The following EPM2A variants were observed in gnomAD, a reference collection of about 807,000 sequenced individuals.
The protein encoded by EPM2A is EPM2A glucan phosphatase, laforin, also known as laforin.
A neutral mutation model predicts 26.5 loss-of-function variants in EPM2A; 21 were observed. The observed-to-expected ratio is 0.79, with a 90% confidence interval of 0.56 to 1.14. The LOEUF is 1.14. Among genes scored for constraint, EPM2A ranks in the 50% most tolerant of loss-of-function variants. The pLI, the probability that EPM2A is intolerant of heterozygous loss-of-function variation, is 0.00. For synonymous variants in EPM2A, 217 were observed against 177.6 expected, an observed-to-expected ratio of 1.22 and a Z score of -1.76; for missense variants, 458 against 440.8, an observed-to-expected ratio of 1.04 and a Z score of -0.35.
At chr6:145,490,754 G>A (rs1046449030) in intron 4 of EPM2A, 8 of 560,460 alleles carry the variant, frequency 1.4e-5, no homozygotes, top group Middle Eastern at 2.9e-4. Flanking sequence ...ACATGTGAAG[G>A]TTGTCACATG....
chr6:145,653,827 C>T (rs947493164), intron 2 of EPM2A, among the ~76,000 whole-genome samples: 1 of 152,144 alleles, frequency 6.6e-6, no homozygotes, highest in Non-Finnish European at 1.5e-5. Context: ...TCAAAGTCTA[C>T]TTATTTATAT....
chr6:145,472,711 T>C (rs1779491901), intron 4 of EPM2A, among the ~76,000 whole-genome samples: 1 of 152,072 alleles, frequency 6.6e-6, no homozygotes, highest in Non-Finnish European at 1.5e-5. Context: ...TGACAAGAAC[T>C]GTATCTTGTG....
chr6:145,541,114 T>A (rs552914107), intron 2 of EPM2A, among the ~76,000 whole-genome samples: 3 of 151,996 alleles, frequency 2.0e-5, no homozygotes, highest in Non-Finnish European at 2.9e-5. Flanking sequence ...GAAAAAAGCA[T>A]GTATGAAAAC....
At chr6:145,735,015 C>T in intron 1 of EPM2A, 183 bp downstream of exon 1, 2 of 371,350 alleles carry the variant, frequency 5.4e-6, no homozygotes, top group South Asian at 8.5e-5. Flanking sequence ...CGGCTGGCGG[C>T]GACAGCGTGG....
Position 145,607,418 on chromosome 6 carries a change from C to A in EPM2A, c.340+27827G>T, listed in dbSNP as rs531010461. Among the ~76,000 whole-genome samples, 5 of 152,236 alleles carry A rather than the reference C, an allele frequency of 3.3e-5. No individual in the cohort carries two copies. In the South Asian group the frequency reaches 1.0e-3, roughly 32 times the overall value. ...CTGCTGTACAGTATGTGACTCTTTGCATTCTGGAGAACATAATCAGCAACA... is the reference window on the plus strand; with the variant it reads ...CTGCTGTACAGTATGTGACTCTTTGAATTCTGGAGAACATAATCAGCAACA... On this transcript the variant is annotated intron_variant, in intron 2 of 3. Transcript: ENST00000450221.
At chr6:145,726,606 T>C (rs1220471983) in intron 1 of EPM2A, among the ~76,000 whole-genome samples, 1 of 152,130 alleles carries the variant, frequency 6.6e-6, no homozygotes, top group Non-Finnish European at 1.5e-5. Flanking sequence ...TGATATGATG[T>C]AATAAGGAAG....
intron 4 of EPM2A, among the ~76,000 whole-genome samples, chr6:145,444,814 G>A (rs1203709137): frequency 6.6e-6 from 1 of 152,188 alleles, no homozygotes; most frequent in Non-Finnish European, 1.5e-5. Flanking sequence ...CTGGAAATAA[G>A]ATACTCTCTT....
At chr6:145,684,290 A>G (rs538995080) in intron 2 of EPM2A, among the ~76,000 whole-genome samples, 98 of 152,302 alleles carry the variant, frequency 6.4e-4, no homozygotes, top group African/African-American at 2.2e-3. Context: ...CTCTAATGAC[A>G]AAGAGCAAAG....
chr6:145,460,950 A>G (rs983627980), intron 4 of EPM2A, among the ~76,000 whole-genome samples: 1 of 152,178 alleles, frequency 6.6e-6, no homozygotes, highest in African/African-American at 2.4e-5. Context: ...ATCGACATGA[A>G]GTATTAATGG....
downstream of EPM2A, among the ~76,000 whole-genome samples, chr6:145,501,265 C>G (rs1278408881): frequency 6.6e-6 from 1 of 152,160 alleles, no homozygotes; most frequent in Non-Finnish European, 1.5e-5. Context: ...ACAGTAAAAA[C>G]TTTGGAATTT....
chr6:145,416,103 T>G (rs1778704312), intron 4 of EPM2A, among the ~76,000 whole-genome samples: 1 of 152,062 alleles, frequency 6.6e-6, no homozygotes, highest in Non-Finnish European at 1.5e-5. Context: ...GGGATGGAGG[T>G]CATGGGTACA....
At chr6:145,417,051 C>G (rs1310266534) in intron 4 of EPM2A, among the ~76,000 whole-genome samples, 1 of 152,056 alleles carries the variant, frequency 6.6e-6, no homozygotes, top group Non-Finnish European at 1.5e-5. Flanking sequence ...CTAAGCAGAC[C>G]CAGCCTTGGC....
At chr6:145,462,465 G>A (rs1025448696) in intron 4 of EPM2A, among the ~76,000 whole-genome samples, 3 of 152,102 alleles carry the variant, frequency 2.0e-5, no homozygotes, top group Admixed American at 6.6e-5. Flanking sequence ...ATTCTCAAAA[G>A]ATTAGGTATT....
intron 2 of EPM2A, among the ~76,000 whole-genome samples, chr6:145,509,240 G>T (rs1315531772): frequency 1.3e-5 from 2 of 152,076 alleles, no homozygotes; most frequent in Admixed American, 6.5e-5. Context: ...ATCCAGAGAA[G>T]TCCTGAGAGT....
At chr6:145,385,853 T>C (rs1226359616) in intron 4 of EPM2A, among the ~76,000 whole-genome samples, 3 of 152,130 alleles carry the variant, frequency 2.0e-5, no homozygotes, top group Non-Finnish European at 4.4e-5. Context: ...GCAATGTTTG[T>C]TATCTATCAA....
At position 145,681,990 on chromosome 6, in the gene EPM2A, T is replaced by C. The variant is rs77564659; in HGVS notation, c.476+4132A>G. Among the ~76,000 whole-genome samples, 481 of 152,260 alleles carry C rather than the reference T, an allele frequency of 3.2e-3. 15 individuals carry two copies. In the South Asian group the frequency reaches 0.058, roughly 18 times the overall value. ...AGAAAATTAGGTGGCTACCCTAATA[T>C]TGCTCTCTCACACCTCTCTATATGT... On this transcript the variant is annotated intron_variant, in intron 2 of 3. Transcript: ENST00000367519.
chr6:145,625,542 G>C lies in EPM2A; in HGVS notation c.*1874C>G. On this transcript the variant is annotated 3_prime_UTR_variant, in exon 4 of 4. Transcript: ENST00000367519. ...TTAAAGAAATTCACAGACCCACATA[G>C]TTTAAAAATTTAATTTTTAAGATTA... 1 of 618,000 alleles carries C rather than the reference G, an allele frequency of 1.6e-6. No homozygotes were observed. The highest frequency in any genetic ancestry group is 2.9e-6 in the Non-Finnish European group (1 of 342,638). The allele number at this position is 618,000 out of a possible 1,614,324, so 38.3% of individuals were successfully genotyped here.
chr6:145,512,353 A>G (rs1780065842), intron 2 of EPM2A, among the ~76,000 whole-genome samples: 1 of 152,192 alleles, frequency 6.6e-6, no homozygotes, highest in Non-Finnish European at 1.5e-5. Context: ...AAATTATACT[A>G]CAAGGCTACA....
chr6:145,698,850 G>C (rs1281980233), intron 1 of EPM2A, among the ~76,000 whole-genome samples: 2 of 152,054 alleles, frequency 1.3e-5, no homozygotes, highest in Non-Finnish European at 1.5e-5. Flanking sequence ...AAAAACACCA[G>C]AGATCTCTCT....
Sources: gnomAD v4.1 joint callset for allele counts (sites outside exome capture counted in the v4.1 genomes callset) on GRCh38, gnomAD v4.1.1 for gene constraint, MANE v1.5 for transcripts, NCBI Gene and HGNC (gene_info 2026-07-23, HGNC 2026-07-21) for gene names.